Variants in STK36 observed in about 807,000 individuals in gnomAD.
STK36 encodes the protein serine/threonine kinase 36.
STK36 carries 116 observed loss-of-function variants against 142.2 expected under a neutral mutation model. The observed-to-expected ratio is 0.82, with a 90% CI of 0.70 to 0.95. The LOEUF is 0.95. Among genes scored for constraint, STK36 ranks in the 40% least tolerant of loss-of-function variants. STK36 has a pLI of 0.00. For missense variants in STK36, 1,422 were observed against 1,617.2 expected, an observed-to-expected ratio of 0.88 and a Z score of 2.07; for synonymous variants, 619 against 641.7, an observed-to-expected ratio of 0.96 and a Z score of 0.53.
chr2:218,689,611 GA>G (rs902418338), intron 12 of STK36, among the ~76,000 whole-genome samples: 5 of 152,080 alleles, frequency 3.3e-5, no homozygotes, highest in Non-Finnish European at 7.4e-5. Flanking sequence ...AAAGATTTTT[GA>G]AAAATAGAAC....
rs1940196692 is a variant in STK36 at position 218,675,483 on chromosome 2, C to G, written c.434+10C>G. On this transcript the variant is annotated intron_variant, in intron 5 of 26. Transcript: ENST00000295709. ...AGCTCTGTGACTTTGGGTAAAGATT[C>G]TGAGCATCCATCTAAGCTTCCAGTT... is the stretch of plus-strand genomic sequence containing the variant. The G allele has an allele frequency of 1.3e-6, 2 of 1,575,918 alleles. No homozygotes were observed. Among genetic ancestry groups the G allele is most frequent in the Admixed American group, 1.7e-5 (1 of 58,374 alleles).
chr2:218,699,341 T>C lies in STK36; in HGVS notation c.3797T>C (p.Ile1266Thr). 6.2e-7 allele frequency: 1 copy of C among 1,613,552 alleles called. No homozygotes were observed. Among genetic ancestry groups the C allele is most frequent in the Non-Finnish European group, 8.5e-7 (1 of 1,179,864 alleles). The change falls in exon 26 of 27, where the codon ATC (isoleucine) becomes ACC (threonine). Residue 1266 changes from isoleucine (I) to threonine (T), a missense_variant. Transcript: ENST00000295709. ...CGGAGCCTGCAACAGGAGCCTGGCA[T>C]CCATCAGGTATACCCTACAGCACTT... ...ALRSLQQEPG[I>T]HQVLVSLGAS...
intron 12 of STK36, 34 bp downstream of exon 12, chr2:218,688,910 C>A (rs1244921773): frequency 3.3e-6 from 5 of 1,535,356 alleles, no homozygotes; most frequent in Non-Finnish European, 4.4e-6. Flanking sequence ...TGAAGACTTA[C>A]AGAGGTTCTT....
At chr2:218,675,973 T>A in intron 5 of STK36, 56 bp from the exon 6 acceptor site, 2 of 1,599,564 alleles carry the variant, frequency 1.3e-6, no homozygotes, top group East Asian at 2.2e-5. Flanking sequence ...TAGGTAGTAG[T>A]GACCAGGTTT....
intron 10 of STK36, among the ~76,000 whole-genome samples, chr2:218,680,958 C>T (rs1940490641): frequency 6.6e-6 from 1 of 152,284 alleles, no homozygotes; most frequent in South Asian, 2.1e-4. Flanking sequence ...TTTAGTCCGT[C>T]TCCTCCCAAA....
At chr2:218,686,434 T>C (rs1025698265) in intron 11 of STK36, among the ~76,000 whole-genome samples, 3 of 151,994 alleles carry the variant, frequency 2.0e-5, no homozygotes, top group African/African-American at 7.3e-5. Context: ...ATTTTTTGTA[T>C]TTTTTGTAGA....
In STK36 at chr2:218,696,922, C is replaced by A. The variant is rs980986580; in HGVS notation, c.2587-117C>A. The A allele has an allele frequency of 2.8e-6, 4 of 1,404,484 alleles. No individual in the cohort carries two copies. The African/African-American group carries it at 4.2e-5, about 15-fold the overall frequency. 87.0% of individuals were successfully genotyped at this position (1,404,484 alleles called of 1,614,324 possible). A position where few individuals can be genotyped will look rare whatever the true frequency, so the allele number is the denominator to read the frequency against. On this transcript the variant is annotated intron_variant, in intron 22 of 26. Coordinates refer to ENST00000295709, the MANE Select transcript of STK36 (RefSeq NM_015690.5). ...GACAGGGAAATACTAGGTGGGAAAG[C>A]GGAAGGAATTATTTCTGGGACTTCC...
At chr2:218,673,050 A>G (rs1238212564) in intron 2 of STK36, 137 bp downstream of exon 2, 6 of 708,528 alleles carry the variant, frequency 8.5e-6, no homozygotes, top group Non-Finnish European at 1.1e-5. Flanking sequence ...TATGGAGTAT[A>G]AGCTTTGAAG....
chr2:218,690,795 G>A (rs1940970247), intron 14 of STK36, among the ~76,000 whole-genome samples: 1 of 152,186 alleles, frequency 6.6e-6, no homozygotes, highest in Non-Finnish European at 1.5e-5. Context: ...TTAGAACTTT[G>A]CATATAATAC....
At position 218,680,009 on chromosome 2, in the gene STK36, C is replaced by T. The variant is rs140262814; in HGVS notation, c.1065C>T (p.Ala355=). ...CTCCTCAGGAATCAAGCCTCCTGGC[C>T]GGGATCTTAGCCTCAGAATTGAAGA... ...GATPQESSLL[A]GILASELKSS... The change falls in exon 9 of 27, where the codon GCC becomes GCT. Residue 355 remains alanine, a synonymous_variant. Transcript: ENST00000295709. 845 of 1,614,028 alleles carry T rather than the reference C, an allele frequency of 5.2e-4. 6 individuals carry two copies. The highest frequency in any genetic ancestry group is 2.3e-4 in the Non-Finnish European group (276 of 1,180,040).
intron 8 of STK36, 73 bp downstream of exon 8, chr2:218,679,802 T>G: frequency 6.2e-7 from 1 of 1,608,642 alleles, no homozygotes; most frequent in Non-Finnish European, 8.5e-7. Context: ...AGGGTGACTT[T>G]CTAGGGTTGG....
At chr2:218,676,417 C>A in intron 6 of STK36, 139 bp downstream of exon 6, 2 of 1,179,266 alleles carry the variant, frequency 1.7e-6, no homozygotes, top group Non-Finnish European at 2.3e-6. Flanking sequence ...ATTCTGTTCT[C>A]GCATTGCTAT....
At chr2:218,682,273 C>T (rs1241385254) in intron 10 of STK36, among the ~76,000 whole-genome samples, 1 of 152,144 alleles carries the variant, frequency 6.6e-6, no homozygotes, top group African/African-American at 2.4e-5. Context: ...AAACTTTTGT[C>T]TCATTTGCTT....
In STK36 at chr2:218,679,674, A is replaced by G. The variant is rs374338386; in HGVS notation, c.893A>G (p.Gln298Arg). The G allele has an allele frequency of 6.2e-7, 1 of 1,614,088 alleles. No individual in the cohort carries two copies. Among genetic ancestry groups the G allele is most frequent in the Non-Finnish European group, 8.5e-7 (1 of 1,180,054 alleles). The change falls in exon 8 of 27, where the codon CAG becomes CGG. Residue 298 changes from glutamine (Q) to arginine (R), a missense_variant. Physicochemically the swap from Gln to Arg is conservative, Grantham distance 43. Transcript: ENST00000295709. ...QAHRLAPKGN[Q>R]SRILTQAYKR... is the part of the protein sequence containing the mutation. ...CATCGGTTGGCCCCCAAGGGTAATC[A>G]GTCTCGCATCTTGACTCAGGCCTAT...
intron 21 of STK36, among the ~76,000 whole-genome samples, chr2:218,695,527 C>CTTTTTTTTTTTT (rs964956273): frequency 1.4e-5 from 1 of 73,052 alleles, no homozygotes; most frequent in Non-Finnish European, 2.4e-5. Context: ...CATGTCCAGT[C>CTTTTTTTTTTTT]TTTTTTTTTT....
At chr2:218,675,187 A>T (rs1293532534) in intron 4 of STK36, among the ~76,000 whole-genome samples, 156 bp from the exon 5 acceptor site, 2 of 152,352 alleles carry the variant, frequency 1.3e-5, no homozygotes, top group African/African-American at 4.8e-5. Context: ...GAGTGATTAA[A>T]CAAGGGGAAC....
intron 9 of STK36, among the ~76,000 whole-genome samples, 180 bp downstream of exon 9, chr2:218,680,260 A>T (rs1940455596): frequency 6.6e-6 from 1 of 152,166 alleles, no homozygotes; most frequent in Non-Finnish European, 1.5e-5. Flanking sequence ...ATTCATCAGG[A>T]AACTTGGGGA....
In STK36 at chr2:218,697,197, A is replaced by C. The variant is rs1178646521; in HGVS notation, c.2745A>C (p.Thr915=). 1 of 1,612,726 alleles carries C rather than the reference A, an allele frequency of 6.2e-7. No individual in the cohort carries two copies. Among genetic ancestry groups the C allele is most frequent in the Non-Finnish European group, 8.5e-7 (1 of 1,179,546 alleles). The change falls in exon 23 of 27, where the codon ACA becomes ACC. Residue 915 remains threonine, a synonymous_variant. Coordinates refer to ENST00000295709, the MANE Select transcript of STK36 (RefSeq NM_015690.5). ...CACCAAGCCCTGAGCCAGACTGGAC[A>C]CTGATTTCTCCCCAGGGTATCTTTC... ...SSPPSPEPDW[T]LISPQGMAAL...
intron 22 of STK36, chr2:218,696,810 A>C (rs1488211471): frequency 1.3e-5 from 12 of 897,462 alleles, no homozygotes; most frequent in Non-Finnish European, 2.2e-5. Flanking sequence ...CCAGTGGGAG[A>C]TAAAATGAAT....
Sources: allele counts gnomAD v4.1 joint callset (sites outside exome capture counted in the v4.1 genomes callset), GRCh38; gene constraint gnomAD v4.1.1; transcripts MANE v1.5; gene names NCBI Gene and HGNC (gene_info 2026-07-23, HGNC 2026-07-21).